Variants in TOX4 observed in about 807,000 individuals in gnomAD.
TOX4 encodes TOX high mobility group box family member 4.
In TOX4, 12 loss-of-function variants were observed where a neutral mutation model predicts 61.0. The ratio of observed to expected loss-of-function variants is 0.20; its 90% CI spans 0.13 to 0.32. TOX4 has a LOEUF of 0.32. TOX4 is among the 10% of genes least tolerant of loss of function. The pLI is 1.00. For missense variants in TOX4, 499 were observed against 753.3 expected, an observed-to-expected ratio of 0.66 and a Z score of 3.95; for synonymous variants, 268 against 274.8, an observed-to-expected ratio of 0.98 and a Z score of 0.24.
intron 5 of TOX4, 132 bp downstream of exon 5, chr14:21,489,535 C>T (rs1891248969): frequency 6.1e-6 from 5 of 824,584 alleles, no homozygotes; most frequent in Admixed American, 6.1e-5. Flanking sequence ...AATATCATCC[C>T]TTGTCTTCGA....
At chr14:21,480,685 T>A (rs1454011697) in intron 2 of TOX4, among the ~76,000 whole-genome samples, 2 of 152,140 alleles carry the variant, frequency 1.3e-5, no homozygotes, top group African/African-American at 4.8e-5. Flanking sequence ...AAAAACATGA[T>A]TAACAAATAG....
chr14:21,494,425 G>A (rs896323436), intron 7 of TOX4, among the ~76,000 whole-genome samples: 1 of 152,012 alleles, frequency 6.6e-6, no homozygotes, highest in African/African-American at 2.4e-5. Flanking sequence ...GGCCAACATG[G>A]TGAAACCCTG....
chr14:21,488,983 C>T (rs1461899569), intron 4 of TOX4, 133 bp downstream of exon 4: 2 of 1,344,158 alleles, frequency 1.5e-6, no homozygotes, highest in Admixed American at 2.5e-5. Context: ...TGGGGTTCCA[C>T]CTCCCAATTT....
Position 21,477,257 on chromosome 14 carries a change from C to G in TOX4, c.-22C>G. On this transcript the variant is annotated 5_prime_UTR_variant, in exon 1 of 9. Transcript: ENST00000448790. ...CGGTGGGAGCGATGAGGGTCTGAGA[C>G]GGTGGGAGCGGTTGTGTGAAGATGG... The G allele has an allele frequency of 2.5e-6, 4 of 1,613,964 alleles. No individual in the cohort carries two copies. The highest frequency in any genetic ancestry group is 1.1e-5 in the South Asian group (1 of 91,070).
chr14:21,490,985 C>A (rs576098164), intron 5 of TOX4, among the ~76,000 whole-genome samples: 12 of 152,318 alleles, frequency 7.9e-5, no homozygotes, highest in African/African-American at 2.6e-4. Context: ...GCCGCCACAC[C>A]CAGCTAATGT....
chr14:21,483,348 A>C (rs933733132), intron 2 of TOX4, among the ~76,000 whole-genome samples: 14 of 151,262 alleles, frequency 9.3e-5, no homozygotes, highest in Non-Finnish European at 1.9e-4. Context: ...AGTCTAGTAC[A>C]GTAAATGTTT....
chr14:21,490,514 T>C (rs988875167), intron 5 of TOX4, among the ~76,000 whole-genome samples: 6 of 152,150 alleles, frequency 3.9e-5, no homozygotes, highest in African/African-American at 1.4e-4. Flanking sequence ...ACTGCATCTT[T>C]ACAATAACTC....
intron 5 of TOX4, chr14:21,492,079 C>A: frequency 2.2e-6 from 1 of 450,748 alleles, no homozygotes. Context: ...TTGCCAGACT[C>A]CTGTCGATTG....
At chr14:21,483,815 T>C (rs201473794) in intron 2 of TOX4, among the ~76,000 whole-genome samples, 2 of 141,034 alleles carry the variant, frequency 1.4e-5, no homozygotes, top group Non-Finnish European at 3.1e-5. Flanking sequence ...TGTGTGTGTG[T>C]GTGCGCGTGT....
At chr14:21,488,343 G>A (rs1004898172) in intron 3 of TOX4, 1 of 470,096 alleles carries the variant, frequency 2.1e-6, no homozygotes, top group Admixed American at 3.6e-5. Flanking sequence ...TCTTTGACTT[G>A]TCCAACAGTG....
intron 7 of TOX4, among the ~76,000 whole-genome samples, chr14:21,494,789 G>GCAC (rs1891366287): frequency 6.6e-6 from 1 of 151,364 alleles, no homozygotes; most frequent in Admixed American, 6.6e-5. Context: ...CACGGTGATG[G>GCAC]GCGCCTGTAA....
In TOX4 at chr14:21,492,938, C is replaced by G. The variant is rs1340954417; in HGVS notation, c.1322C>G (p.Pro441Arg). Residue 441 changes from proline (P) to arginine (R), a missense_variant, in exon 7 of 9, where the codon CCC (proline) becomes CGC (arginine). By Grantham distance (103) the Pro-to-Arg change is moderately radical. Coordinates refer to ENST00000448790, the MANE Select transcript of TOX4 (RefSeq NM_014828.4). ...GCTGCTTCTATGCAACTGCCTCCACCCCGACTACAGCCCCCTCCATTACAA... is the reference window on the plus strand; with the variant it reads ...GCTGCTTCTATGCAACTGCCTCCACGCCGACTACAGCCCCCTCCATTACAA... ...AAAASMQLPPPRLQPPPLQQM... is the reference protein window; with the variant it reads ...AAAASMQLPPRRLQPPPLQQM... 5.6e-6 allele frequency: 9 copies of G among 1,611,440 alleles called. No homozygotes were observed. Among genetic ancestry groups the G allele is most frequent in the Middle Eastern group, 1.7e-4 (1 of 6,056 alleles).
At position 21,498,010 on chromosome 14, in the gene TOX4, G is replaced by A. The variant is rs1891449238; in HGVS notation, c.*1404G>A. Reference sequence around the variant, plus strand: ...TAATGATCATTTTAATGTTTCCCATGCACTCATTTAGTTTGAACCTTCACA... The same window carrying A: ...TAATGATCATTTTAATGTTTCCCATACACTCATTTAGTTTGAACCTTCACA... On this transcript the variant is annotated 3_prime_UTR_variant, in exon 9 of 9. Transcript: ENST00000448790. The A allele has an allele frequency of 2.1e-6, 1 of 468,232 alleles. No individual in the cohort carries two copies. Among genetic ancestry groups the A allele is most frequent in the Non-Finnish European group, 3.8e-6 (1 of 260,618 alleles). 29.0% of individuals were successfully genotyped at this position (468,232 alleles called of 1,614,324 possible).
chr14:21,484,754 G>A lies in TOX4; in HGVS notation c.76-2697G>A, dbSNP rs1674856215. ...ACTCACTGTGACCTCTGACTCCTGA[G>A]TTCAAGTGATCCTCGTGCCTCAGCC... is the stretch of plus-strand genomic sequence containing the variant. On this transcript the variant is annotated intron_variant, in intron 2 of 8. Coordinates refer to ENST00000448790, the MANE Select transcript of TOX4 (RefSeq NM_014828.4). Among the ~76,000 whole-genome samples the A allele has an allele frequency of 2.8e-5, 3 of 105,898 alleles. 1 individual carries two copies. The highest frequency in any genetic ancestry group is 1.1e-4 in the African/African-American group (3 of 28,120). The allele number at this position is 105,898 out of a possible 152,430, so 69.5% of individuals were successfully genotyped here.
At position 21,485,428 on chromosome 14, in the gene TOX4, A is replaced by G. The variant is rs1891178220; in HGVS notation, c.76-2023A>G. Among the ~76,000 whole-genome samples the G allele has an allele frequency of 1.9e-5, 2 of 103,136 alleles. 1 individual carries two copies. The highest frequency in any genetic ancestry group is 6.7e-4 in the South Asian group (2 of 2,968). 67.7% of individuals were successfully genotyped at this position (103,136 alleles called of 152,430 possible). ...GAAACTCTGTCTCAAAAATAAAATA[A>G]TAATAAAAATTAGCCTGGCATGGTG... On this transcript the variant is annotated intron_variant, in intron 2 of 8. Coordinates refer to ENST00000448790, the MANE Select transcript of TOX4 (RefSeq NM_014828.4).
rs1244094557 is a variant in TOX4 at position 21,499,146 on chromosome 14, T to TAAA, written c.*2543_*2545dup. ...TGACTGGTGGAACGAACCTAGGAAA[T>TAAA]AAAAACTAGCTGCTTTTTAAGTTAC... On this transcript the variant is annotated 3_prime_UTR_variant, in exon 9 of 9. Coordinates refer to ENST00000448790, the MANE Select transcript of TOX4 (RefSeq NM_014828.4). 3 of 1,608,332 alleles carry TAAA rather than the reference T, an allele frequency of 1.9e-6. No individual in the cohort carries two copies. The highest frequency in any genetic ancestry group is 2.6e-6 in the Non-Finnish European group (3 of 1,174,854).
chr14:21,487,507 G>A lies in TOX4; in HGVS notation c.132G>A (p.Leu44=). 1.9e-6 allele frequency: 3 copies of A among 1,613,920 alleles called. No homozygotes were observed. The highest frequency in any genetic ancestry group is 2.5e-6 in the Non-Finnish European group (3 of 1,179,910). ...AATTTGAAATCCCACCTATCTCCTT[G>A]GATTCTGATCCCTCATTGGCTGTCT... ...DEEFEIPPIS[L]DSDPSLAVSD... is the part of the protein sequence containing the mutation. The change falls in exon 3 of 9, where the codon TTG becomes TTA. Residue 44 remains leucine, a synonymous_variant. Coordinates refer to ENST00000448790, the MANE Select transcript of TOX4 (RefSeq NM_014828.4).
In TOX4 at chr14:21,499,024, C is replaced by T. The variant is rs774965104; in HGVS notation, c.*2418C>T. The T allele has an allele frequency of 3.9e-5, 62 of 1,608,880 alleles. No homozygotes were observed. The highest frequency in any genetic ancestry group is 9.4e-6 in the Non-Finnish European group (11 of 1,175,384). ...ACTAGCCTGTTCTCTGGTCACCTTA[C>T]CAGTTGGGTTGCACATTGTGTGGTC... is the stretch of plus-strand genomic sequence containing the variant. On this transcript the variant is annotated 3_prime_UTR_variant, in exon 9 of 9. Transcript: ENST00000448790.
At chr14:21,492,050 A>C in intron 5 of TOX4, 1 of 330,816 alleles carries the variant, frequency 3.0e-6, no homozygotes, top group Non-Finnish European at 5.5e-6. Flanking sequence ...GTAGCAAAAT[A>C]AAATAAATGT....
Sources: gnomAD v4.1 joint callset for allele counts (sites outside exome capture counted in the v4.1 genomes callset) on GRCh38, gnomAD v4.1.1 for gene constraint, MANE v1.5 for transcripts, NCBI Gene and HGNC (gene_info 2026-07-23, HGNC 2026-07-21) for gene names.